The following TMEM232 variants were observed in gnomAD, a reference collection of about 807,000 sequenced individuals.
TMEM232 encodes transmembrane protein 232.
In TMEM232, 80 loss-of-function variants were observed where a neutral mutation model predicts 78.8. The ratio of observed to expected loss-of-function variants is 1.01; its 90% CI spans 0.85 to 1.22. TMEM232 has a LOEUF of 1.22. Ranked by LOEUF, TMEM232 falls within the 50% of genes most tolerant of loss-of-function variation. The pLI, the probability that TMEM232 is intolerant of heterozygous loss-of-function variation, is 0.00. For synonymous variants in TMEM232, 297 were observed against 254.3 expected (o/e 1.17, Z -1.60); for missense variants, 881 against 742.2 (o/e 1.19, Z -2.17).
At chr5:110,415,064 G>A (rs1195134153), downstream of TMEM232, among the ~76,000 whole-genome samples, 1 of 152,120 alleles carries the variant, frequency 6.6e-6, no homozygotes, top group Non-Finnish European at 1.5e-5. Flanking sequence ...CAGTCCTGCA[G>A]GAGCTAATGC....
intron 1 of TMEM232, among the ~76,000 whole-genome samples, chr5:110,700,892 C>A (rs568384456): frequency 6.6e-6 from 1 of 151,868 alleles, no homozygotes; most frequent in Non-Finnish European, 1.5e-5. Flanking sequence ...TCAACCCCAC[C>A]TTTCCTAAAG....
rs10522202 is a variant in TMEM232 at position 110,721,673 on chromosome 5, G to GTATATATA, written c.-13+4946_-13+4953dup. The stretch of plus-strand genomic sequence containing the variant: ...GCATATCATGTGTGTGTGTGTGTGT[G>GTATATATA]TATATATATATCTGTGTGTGTTAGT... On this transcript the variant is annotated intron_variant, in intron 1 of 13. Transcript: ENST00000455884. Among the ~76,000 whole-genome samples, 78 of 35,494 alleles carry GTATATATA rather than the reference G, an allele frequency of 2.2e-3. 20 individuals carry two copies. In the East Asian group the frequency reaches 0.053, roughly 24 times the overall value. 23.3% of individuals were successfully genotyped at this position (35,494 alleles called of 152,430 possible).
chr5:110,671,085 A>G (rs1791294008), intron 1 of TMEM232, among the ~76,000 whole-genome samples: 1 of 152,142 alleles, frequency 6.6e-6, no homozygotes, highest in Non-Finnish European at 1.5e-5. Context: ...CTAAAACACC[A>G]AAAGCTATGA....
In TMEM232 at chr5:110,561,104, C is replaced by T. The variant is rs77022798; in HGVS notation, c.1455+7343G>A. On this transcript the variant is annotated intron_variant, in intron 11 of 13. Transcript: ENST00000455884. ...TTATGTAGTAAGAAATGTTAACAAT[C>T]CTTTTTATATTCTTGTTACCCTTAT... Among the ~76,000 whole-genome samples the T allele has an allele frequency of 5.6e-3, 847 of 152,096 alleles. 8 individuals are homozygous for T. Among genetic ancestry groups the T allele is most frequent in the African/African-American group, 0.019 (801 of 41,522 alleles).
At chr5:110,697,050 C>T (rs190812448) in intron 1 of TMEM232, among the ~76,000 whole-genome samples, 296 of 152,306 alleles carry the variant, frequency 1.9e-3, no homozygotes, top group African/African-American at 6.9e-3. Flanking sequence ...TCAAACTATA[C>T]TACAAGCCTA....
chr5:110,622,631 G>A lies in TMEM232; in HGVS notation c.768+2636C>T, dbSNP rs545147001. ...GTTGGTTCCAAGTCTTTGCTATCGT[G>A]AATAATGCCGCAATAAACATACGTG... On this transcript the variant is annotated intron_variant, in intron 7 of 13. Coordinates refer to ENST00000455884, the MANE Select transcript of TMEM232 (RefSeq NM_001039763.4). Among the ~76,000 whole-genome samples the A allele has an allele frequency of 2.6e-5, 4 of 152,156 alleles. No homozygotes were observed. The East Asian group carries it at 5.8e-4, about 22-fold the overall frequency.
At chr5:110,487,956 G>C (rs1356200318) in intron 12 of TMEM232, among the ~76,000 whole-genome samples, 1 of 152,000 alleles carries the variant, frequency 6.6e-6, no homozygotes, top group Non-Finnish European at 1.5e-5. Context: ...TTCTTTGAAT[G>C]TCTGGTAGAA....
At chr5:110,710,618 A>G (rs1352586271) in intron 1 of TMEM232, among the ~76,000 whole-genome samples, 1 of 152,176 alleles carries the variant, frequency 6.6e-6, no homozygotes, top group African/African-American at 2.4e-5. Context: ...GTGACACACT[A>G]TATCAACACA....
intron 2 of TMEM232, among the ~76,000 whole-genome samples, chr5:110,406,265 TACACACACACACACAC>T (rs70999966): frequency 4.9e-5 from 7 of 143,582 alleles, no homozygotes; most frequent in Non-Finnish European, 9.2e-5. Context: ...CAGATATATA[TACACACACACACACAC>T]ACACACACAC....
chr5:110,654,912 T>C (rs1788822403), intron 2 of TMEM232, among the ~76,000 whole-genome samples: 1 of 152,166 alleles, frequency 6.6e-6, no homozygotes, highest in Admixed American at 6.6e-5. Context: ...TTGAAGAAAT[T>C]GTGAATGGGA....
chr5:110,491,698 G>A (rs1203054290), intron 12 of TMEM232, among the ~76,000 whole-genome samples: 1 of 151,872 alleles, frequency 6.6e-6, no homozygotes. Flanking sequence ...TTAGATGGAA[G>A]GAGGTTGTAA....
At chr5:110,429,495 T>C (rs907623734) in intron 12 of TMEM232, among the ~76,000 whole-genome samples, 3 of 151,758 alleles carry the variant, frequency 2.0e-5, no homozygotes, top group Non-Finnish European at 4.4e-5. Context: ...GCAGGAGATA[T>C]TCCCCAGGAG....
intron 1 of TMEM232, among the ~76,000 whole-genome samples, chr5:110,698,078 A>C (rs928579864): frequency 1.2e-4 from 18 of 152,218 alleles, no homozygotes; most frequent in African/African-American, 4.1e-4. Flanking sequence ...AAAATGTGGC[A>C]CATATATACC....
chr5:110,421,839 A>G (rs889923842), intron 13 of TMEM232, among the ~76,000 whole-genome samples: 1 of 152,214 alleles, frequency 6.6e-6, no homozygotes, highest in Non-Finnish European at 1.5e-5. Flanking sequence ...AAGCATAATA[A>G]TATCAAATCC....
Position 110,605,254 on chromosome 5 carries a change from C to T in TMEM232, c.1131G>A (p.Leu377=), listed in dbSNP as rs1781403952. 1 of 1,551,120 alleles carries T rather than the reference C, an allele frequency of 6.4e-7. No homozygotes were observed. Among genetic ancestry groups the T allele is most frequent in the South Asian group, 1.2e-5 (1 of 84,046 alleles). Residue 377 remains leucine (L), a synonymous_variant, in exon 10 of 14, where the codon TTG becomes TTA. Transcript: ENST00000455884. ...AGAAACCAATTAAAGCAGTTTTTCGCAAATCAGAAGTGGCTGCATACAAGC... is the reference window on the plus strand; with the variant it reads ...AGAAACCAATTAAAGCAGTTTTTCGTAAATCAGAAGTGGCTGCATACAAGC... ...EICLYAATSD[L]RKTALIGFCH...
intron 1 of TMEM232, among the ~76,000 whole-genome samples, chr5:110,697,890 G>C (rs572336294): frequency 4.5e-4 from 69 of 152,288 alleles, no homozygotes; most frequent in African/African-American, 1.6e-3. Flanking sequence ...GATTCCTCAA[G>C]GACCTAGAAC....
rs977902787 is a variant in TMEM232, at chr5:110,479,581, C to T, written c.1703+49007G>A. 2.6e-5 allele frequency among the ~76,000 whole-genome samples: 4 copies of T among 151,888 alleles called. No homozygotes were observed. The South Asian group carries it at 8.3e-4, about 31-fold the overall frequency. ...ATTTTTATTTGATTCTTTGGATCAA[C>T]AGTATTTTGCATGTAATTATAGTCT... On this transcript the variant is annotated intron_variant, in intron 12 of 13. Coordinates refer to ENST00000455884, the MANE Select transcript of TMEM232 (RefSeq NM_001039763.4).
chr5:110,618,393 C>G (rs1170732965), intron 8 of TMEM232, 36 bp downstream of exon 8: 2 of 1,546,154 alleles, frequency 1.3e-6, no homozygotes, highest in East Asian at 2.5e-5. Flanking sequence ...AAAGATTTCT[C>G]CATGAGTTAC....
chr5:110,702,560 T>C (rs1795536014), intron 1 of TMEM232, among the ~76,000 whole-genome samples: 1 of 152,094 alleles, frequency 6.6e-6, no homozygotes, highest in African/African-American at 2.4e-5. Flanking sequence ...TCTCTCCCTG[T>C]AATACTCTTC....
Sources: allele counts gnomAD v4.1 joint callset (sites outside exome capture counted in the v4.1 genomes callset), GRCh38; gene constraint gnomAD v4.1.1; transcripts MANE v1.5; gene names NCBI Gene and HGNC (gene_info 2026-07-23, HGNC 2026-07-21).